The following RAB11A variants were observed in gnomAD, a reference collection of about 807,000 sequenced individuals.
RAB11A encodes RAB11A, member RAS oncogene family.
A neutral mutation model predicts 28.0 loss-of-function variants in RAB11A; 9 were observed. The observed-to-expected ratio is 0.32, with a 90% CI of 0.19 to 0.56. The LOEUF (loss-of-function observed/expected upper bound fraction) is 0.56, where lower values mean the gene tolerates loss of function less well. Ranked by LOEUF, RAB11A falls within the 20% of genes least tolerant of loss-of-function variation. The pLI, the probability that RAB11A is intolerant of heterozygous loss-of-function variation, is 0.91. For missense variants in RAB11A, 108 were observed against 269.6 expected, an observed-to-expected ratio of 0.40 and a Z score of 4.20; for synonymous variants, 85 against 88.2, an observed-to-expected ratio of 0.96 and a Z score of 0.20.
At chr15:65,880,601 T>C (rs1355398750) in intron 4 of RAB11A, among the ~76,000 whole-genome samples, 1 of 152,214 alleles carries the variant, frequency 6.6e-6, no homozygotes, top group African/African-American at 2.4e-5. Flanking sequence ...ATTTATTGTT[T>C]GTATGCAGCC....
intron 4 of RAB11A, among the ~76,000 whole-genome samples, chr15:65,882,369 C>G (rs1240052789): frequency 1.3e-5 from 2 of 152,200 alleles, no homozygotes; most frequent in South Asian, 2.1e-4. Context: ...AGGACAGACT[C>G]TTTATTGCAC....
rs35204195 is a variant in RAB11A, at chr15:65,873,289, C to T, written c.40+3664C>T. Among the ~76,000 whole-genome samples the T allele has an allele frequency of 8.2e-3, 1,249 of 152,266 alleles. 8 individuals are homozygous for T. The highest frequency in any genetic ancestry group is 0.014 in the Non-Finnish European group (973 of 68,012). On this transcript the variant is annotated intron_variant, in intron 1 of 4. Coordinates refer to ENST00000261890, the MANE Select transcript of RAB11A (RefSeq NM_004663.5). ...CTGTTTACAAATATTGTGTGGTAGACACCAATCCACAGTTAGATTTTCTGA... is the reference window on the plus strand; with the variant it reads ...CTGTTTACAAATATTGTGTGGTAGATACCAATCCACAGTTAGATTTTCTGA...
At chr15:65,872,436 T>C (rs980546624) in intron 1 of RAB11A, among the ~76,000 whole-genome samples, 1 of 146,972 alleles carries the variant, frequency 6.8e-6, no homozygotes, top group Admixed American at 6.8e-5. Flanking sequence ...GATTTCTACT[T>C]TTTTTTTTTT....
Position 65,869,561 on chromosome 15 carries a change from C to T in RAB11A, c.-25C>T. ...GTCCCACAGATACCACTGCTGCTCC[C>T]GCCCTTTCGCTCCTCGGCCGCGCAA... is the stretch of plus-strand genomic sequence containing the variant. On this transcript the variant is annotated 5_prime_UTR_variant, in exon 1 of 5. Coordinates refer to ENST00000261890, the MANE Select transcript of RAB11A (RefSeq NM_004663.5). The T allele has an allele frequency of 6.2e-7, 1 of 1,608,862 alleles. No individual in the cohort carries two copies. The highest frequency in any genetic ancestry group is 1.1e-5 in the South Asian group (1 of 90,976).
At chr15:65,879,815 A>G (rs1183848029) in intron 4 of RAB11A, 64 bp downstream of exon 4, 3 of 1,225,764 alleles carry the variant, frequency 2.4e-6, no homozygotes, top group Non-Finnish European at 3.5e-6. Flanking sequence ...AATTTAAACA[A>G]ACTAATCAGT....
chr15:65,887,695 CT>C lies in RAB11A; in HGVS notation c.512-4del. 1 of 1,602,906 alleles carries C rather than the reference CT, an allele frequency of 6.2e-7. No homozygotes were observed. ...ACTAAGTATTGTGGTTTCTTTTTTC[CT>C]TCAGAGATTTACCGCATTGTTTCTC... On this transcript the variant is annotated splice_polypyrimidine_tract_variant and splice_region_variant and intron_variant, in intron 4 of 4. Coordinates refer to ENST00000261890, the MANE Select transcript of RAB11A (RefSeq NM_004663.5).
At chr15:65,876,763 T>C (rs894194180) in intron 1 of RAB11A, among the ~76,000 whole-genome samples, 2 of 152,230 alleles carry the variant, frequency 1.3e-5, no homozygotes, top group African/African-American at 4.8e-5. Context: ...TGTATGGTGA[T>C]GTTTATAAAC....
chr15:65,887,596 C>T, intron 4 of RAB11A, 105 bp from the exon 5 acceptor site: 1 of 1,135,254 alleles, frequency 8.8e-7, no homozygotes, highest in African/African-American at 1.6e-5. Flanking sequence ...TGTTCAGTTT[C>T]CTTAGGGACT....
At chr15:65,885,197 C>G (rs2078248971) in intron 4 of RAB11A, among the ~76,000 whole-genome samples, 1 of 140,366 alleles carries the variant, frequency 7.1e-6, no homozygotes, top group African/African-American at 2.7e-5. Context: ...GTGGTGCTAT[C>G]TCACTACAAC....
chr15:65,886,541 G>T (rs1215147597), intron 4 of RAB11A, among the ~76,000 whole-genome samples: 2 of 152,180 alleles, frequency 1.3e-5, no homozygotes, highest in Admixed American at 1.3e-4. Flanking sequence ...TGCTTTTTGA[G>T]AGTAGTGTTT....
At chr15:65,875,972 T>C (rs1191659608) in intron 1 of RAB11A, among the ~76,000 whole-genome samples, 2 of 152,228 alleles carry the variant, frequency 1.3e-5, no homozygotes, top group Non-Finnish European at 2.9e-5. Flanking sequence ...TAGGAACGAA[T>C]GTAATGTTTC....
intron 4 of RAB11A, among the ~76,000 whole-genome samples, chr15:65,884,758 TAAA>T (rs59249589): frequency 1.7e-5 from 2 of 120,886 alleles, no homozygotes; most frequent in Non-Finnish European, 3.5e-5. Context: ...GGTGTGTCAT[TAAA>T]AAAAAAAAAA....
intron 4 of RAB11A, among the ~76,000 whole-genome samples, chr15:65,881,260 T>A (rs2078221005): frequency 6.6e-6 from 1 of 152,210 alleles, no homozygotes; most frequent in Non-Finnish European, 1.5e-5. Context: ...TGTCTGCAAG[T>A]CCTTGTTTTC....
rs1349579396 is a variant in RAB11A, at chr15:65,891,934, T to C, written c.*4094T>C. The C allele has an allele frequency of 6.6e-6, 1 of 152,200 alleles. No homozygotes were observed. Among genetic ancestry groups the C allele is most frequent in the Non-Finnish European group, 1.5e-5 (1 of 68,032 alleles). The allele number at this position is 152,200 out of a possible 1,614,324, so 9.4% of individuals were successfully genotyped here. On this transcript the variant is annotated 3_prime_UTR_variant, in exon 5 of 5. Transcript: ENST00000261890. ...GCTTTTGCTGTTAAAAAAAAACTGC[T>C]GGCTTTTAATATGTACTTTAAAATA...
At chr15:65,870,471 C>T (rs2078153046) in intron 1 of RAB11A, among the ~76,000 whole-genome samples, 1 of 152,200 alleles carries the variant, frequency 6.6e-6, no homozygotes, top group Non-Finnish European at 1.5e-5. Flanking sequence ...CTTTTCTTGC[C>T]CTCCCTACTC....
intron 4 of RAB11A, among the ~76,000 whole-genome samples, chr15:65,879,970 T>G (rs1009047401): frequency 1.3e-5 from 2 of 152,222 alleles, no homozygotes; most frequent in Non-Finnish European, 2.9e-5. Flanking sequence ...AAAAATACTT[T>G]GAAAATAATT....
intron 1 of RAB11A, among the ~76,000 whole-genome samples, chr15:65,876,682 G>A (rs1360654271): frequency 1.3e-5 from 2 of 152,020 alleles, no homozygotes; most frequent in African/African-American, 2.4e-5. Flanking sequence ...GGTTTTTTTG[G>A]CAGAGGGGTC....
At chr15:65,884,448 CAAAG>C (rs1264403513) in intron 4 of RAB11A, among the ~76,000 whole-genome samples, 2 of 151,680 alleles carry the variant, frequency 1.3e-5, no homozygotes, top group Admixed American at 6.6e-5. Flanking sequence ...GGAACCAAAA[CAAAG>C]AAAAGTTCTT....
At chr15:65,871,089 G>A (rs549681263) in intron 1 of RAB11A, among the ~76,000 whole-genome samples, 1 of 152,302 alleles carries the variant, frequency 6.6e-6, no homozygotes, top group Non-Finnish European at 1.5e-5. Context: ...TTTCAAGAGT[G>A]TTAAGCATGG....
Sources: gnomAD v4.1 joint callset for allele counts (sites outside exome capture counted in the v4.1 genomes callset) on GRCh38, gnomAD v4.1.1 for gene constraint, MANE v1.5 for transcripts, NCBI Gene and HGNC (gene_info 2026-07-23, HGNC 2026-07-21) for gene names.